Variants in CMTM8 observed in about 807,000 individuals in gnomAD.
The protein encoded by CMTM8 is CKLF like MARVEL transmembrane domain containing 8.
Under a neutral mutation model 18.6 loss-of-function variants are expected in CMTM8, and 12 were observed. That is an observed-to-expected ratio of 0.65 (90% CI 0.41 to 1.05). CMTM8 has a LOEUF of 1.05. Among genes scored for constraint, CMTM8 ranks in the 50% least tolerant of loss-of-function variants. The pLI is 0.00. For synonymous variants in CMTM8, 87 were observed against 90.6 expected (o/e 0.96, Z 0.23); for missense variants, 217 against 227.2 (o/e 0.95, Z 0.29).
rs929434517 is a variant in CMTM8, at chr3:32,369,887, T to G, written c.442T>G (p.Phe148Val). 5.0e-6 allele frequency: 8 copies of G among 1,607,150 alleles called. No homozygotes were observed. The highest frequency in any genetic ancestry group is 6.8e-6 in the Non-Finnish European group (8 of 1,174,784). The change falls in exon 4 of 4, where the codon TTT (phenylalanine) becomes GTT (valine). Residue 148 changes from phenylalanine (F) to valine (V), a missense_variant. Phe to Val is a conservative substitution (Grantham distance 50, BLOSUM62 -1). Coordinates refer to ENST00000307526, the MANE Select transcript of CMTM8 (RefSeq NM_178868.5). The part of the protein sequence containing the change: ...NFNSWAASSF[F>V]AFLVTICYAG... ...TATTATGCTTTGTTTTCTCCAGTTCTTTGCCTTCCTGGTCACCATCTGCTA... is the reference window on the plus strand; with the variant it reads ...TATTATGCTTTGTTTTCTCCAGTTCGTTGCCTTCCTGGTCACCATCTGCTA...
intron 1 of CMTM8, among the ~76,000 whole-genome samples, chr3:32,331,415 C>CA (rs535920771): frequency 3.1e-4 from 47 of 151,616 alleles, no homozygotes; most frequent in African/African-American, 1.0e-3. Flanking sequence ...GGGGGGTCCT[C>CA]AAAAAATTAA....
At chr3:32,300,205 A>G (rs768721940) in intron 1 of CMTM8, among the ~76,000 whole-genome samples, 4 of 152,230 alleles carry the variant, frequency 2.6e-5, no homozygotes, top group African/African-American at 4.8e-5. Context: ...ATCTAATGCT[A>G]ATAGGCTGAG....
intron 1 of CMTM8, among the ~76,000 whole-genome samples, chr3:32,353,742 A>G (rs1405175848): frequency 6.6e-6 from 1 of 151,702 alleles, no homozygotes; most frequent in Non-Finnish European, 1.5e-5. Flanking sequence ...TAACTGGCGG[A>G]TAGGGAAGGG....
chr3:32,272,507 C>T (rs1559366783), intron 1 of CMTM8, among the ~76,000 whole-genome samples: 1 of 152,166 alleles, frequency 6.6e-6, no homozygotes, highest in Non-Finnish European at 1.5e-5. Flanking sequence ...ATTTTCAACT[C>T]TGGGTTCCTG....
At chr3:32,298,773 G>A (rs1274285402) in intron 1 of CMTM8, among the ~76,000 whole-genome samples, 1 of 142,612 alleles carries the variant, frequency 7.0e-6, no homozygotes, top group Non-Finnish European at 1.5e-5. Flanking sequence ...GCTGGGACTA[G>A]GGGCATGCGC....
At chr3:32,362,046 C>CTTTTTTTTTTTTTTTTTTTTTTTTTTTT (rs60064096) in intron 2 of CMTM8, among the ~76,000 whole-genome samples, 2 of 92,066 alleles carry the variant, frequency 2.2e-5, no homozygotes, top group African/African-American at 3.9e-5. Flanking sequence ...ATTTTCTTTT[C>CTTTTTTTTTTTTTTTTTTTTTTTTTTTT]TTTTTTTTTT....
At chr3:32,250,931 AC>A (rs1220165547) in intron 1 of CMTM8, among the ~76,000 whole-genome samples, 10 of 152,058 alleles carry the variant, frequency 6.6e-5, no homozygotes, top group African/African-American at 2.2e-4. Flanking sequence ...GTATTCTATA[AC>A]TTTGTTGACC....
chr3:32,369,629 G>A (rs963715531), intron 3 of CMTM8, among the ~76,000 whole-genome samples: 1 of 152,178 alleles, frequency 6.6e-6, no homozygotes, highest in Admixed American at 6.5e-5. Flanking sequence ...CACTGCCGCC[G>A]TATTCACTCC....
chr3:32,332,387 G>A (rs922831382), intron 1 of CMTM8, among the ~76,000 whole-genome samples: 1 of 152,084 alleles, frequency 6.6e-6, no homozygotes, highest in Non-Finnish European at 1.5e-5. Context: ...GAAGAGAGAG[G>A]GGGCTTCTTA....
At chr3:32,276,128 C>T (rs73067578) in intron 1 of CMTM8, among the ~76,000 whole-genome samples, 4,304 of 152,142 alleles carry the variant, frequency 0.028, 96 homozygotes, top group South Asian at 0.049. Flanking sequence ...GAATGCAGAC[C>T]GACCTCCTAT....
At chr3:32,312,775 C>T (rs1388985927) in intron 1 of CMTM8, among the ~76,000 whole-genome samples, 1 of 151,562 alleles carries the variant, frequency 6.6e-6, no homozygotes, top group Non-Finnish European at 1.5e-5. Context: ...CCCCTAGCAA[C>T]CGCCCCCGAT....
chr3:32,329,923 A>C (rs1053388717), intron 1 of CMTM8, among the ~76,000 whole-genome samples: 1 of 152,190 alleles, frequency 6.6e-6, no homozygotes, highest in African/African-American at 2.4e-5. Flanking sequence ...TTCAACACAC[A>C]AAAAAATCAG....
At chr3:32,327,621 G>A (rs1575178296) in intron 1 of CMTM8, among the ~76,000 whole-genome samples, 1 of 152,318 alleles carries the variant, frequency 6.6e-6, no homozygotes, top group East Asian at 1.9e-4. Context: ...GAGGGTAACT[G>A]GAGAGTTCCA....
intron 1 of CMTM8, among the ~76,000 whole-genome samples, chr3:32,354,486 G>A (rs562556745): frequency 5.3e-4 from 80 of 152,236 alleles, no homozygotes; most frequent in Non-Finnish European, 8.7e-4. Context: ...TGTAAAAGAC[G>A]ACCACAGCCA....
At chr3:32,363,655 A>G (rs1176649138) in intron 2 of CMTM8, among the ~76,000 whole-genome samples, 3 of 152,194 alleles carry the variant, frequency 2.0e-5, no homozygotes, top group African/African-American at 7.2e-5. Context: ...GCATTGGCCC[A>G]TCTCCTGTAT....
intron 1 of CMTM8, among the ~76,000 whole-genome samples, chr3:32,331,026 A>G (rs1398259519): frequency 2.0e-5 from 3 of 152,172 alleles, no homozygotes; most frequent in Non-Finnish European, 4.4e-5. Context: ...CAAAGGAAAC[A>G]ATCATTACAG....
chr3:32,367,667 A>T (rs1279786519), intron 2 of CMTM8, among the ~76,000 whole-genome samples: 1 of 152,122 alleles, frequency 6.6e-6, no homozygotes, highest in African/African-American at 2.4e-5. Flanking sequence ...TCGTGGGGGC[A>T]GGGGTTGGCA....
At chr3:32,329,486 A>G (rs1189677323) in intron 1 of CMTM8, among the ~76,000 whole-genome samples, 1 of 152,260 alleles carries the variant, frequency 6.6e-6, no homozygotes, top group Non-Finnish European at 1.5e-5. Context: ...AGACTGATGT[A>G]ATACACCACA....
chr3:32,337,339 C>T (rs1436198495), intron 1 of CMTM8, among the ~76,000 whole-genome samples: 1 of 152,182 alleles, frequency 6.6e-6, no homozygotes, highest in Non-Finnish European at 1.5e-5. Flanking sequence ...ACCAGCCAGG[C>T]CTGCACGGAC....
Sources: gnomAD v4.1 joint callset for allele counts (sites outside exome capture counted in the v4.1 genomes callset) on GRCh38, gnomAD v4.1.1 for gene constraint, MANE v1.5 for transcripts, NCBI Gene and HGNC (gene_info 2026-07-23, HGNC 2026-07-21) for gene names.